The following CHCHD6 variants were observed in gnomAD, a reference collection of about 807,000 sequenced individuals.
CHCHD6 encodes coiled-coil-helix-coiled-coil-helix domain containing 6.
A neutral mutation model predicts 32.3 loss-of-function variants in CHCHD6; 28 were observed. The observed-to-expected ratio is 0.87, with a 90% CI of 0.64 to 1.19. The LOEUF (loss-of-function observed/expected upper bound fraction) is 1.19. Ranked by LOEUF, CHCHD6 falls within the 50% of genes most tolerant of loss-of-function variation. The probability of loss-of-function intolerance (pLI) is 0.00; values close to 1 mark genes in which losing one functional copy is unlikely to be tolerated. For synonymous variants in CHCHD6, 122 were observed against 117.5 expected (o/e 1.04, Z -0.25); for missense variants, 333 against 307.0 (o/e 1.08, Z -0.63).
intron 5 of CHCHD6, chr3:126,865,720 A>T: frequency 1.0e-6 from 1 of 984,998 alleles, no homozygotes; most frequent in Non-Finnish European, 1.2e-6. Flanking sequence ...CCCTGAGTCT[A>T]CTCTGCATAC....
chr3:126,736,581 AT>A (rs768872534), intron 4 of CHCHD6, among the ~76,000 whole-genome samples: 98 of 152,214 alleles, frequency 6.4e-4, no homozygotes, highest in Non-Finnish European at 1.2e-3. Context: ...CCATCTTATT[AT>A]TGGGAAAAGT....
At chr3:126,788,501 G>C (rs1174955067) in intron 4 of CHCHD6, among the ~76,000 whole-genome samples, 1 of 152,190 alleles carries the variant, frequency 6.6e-6, no homozygotes, top group Non-Finnish European at 1.5e-5. Context: ...CTCAATTTCA[G>C]AGCCTGTTAT....
chr3:126,782,312 C>G (rs989867279), intron 4 of CHCHD6, among the ~76,000 whole-genome samples: 1 of 152,188 alleles, frequency 6.6e-6, no homozygotes, highest in African/African-American at 2.4e-5. Flanking sequence ...TCTGTCTCTC[C>G]TAGTCTTTGG....
chr3:126,753,628 T>C (rs1016780987), intron 4 of CHCHD6, among the ~76,000 whole-genome samples: 3 of 152,242 alleles, frequency 2.0e-5, no homozygotes, highest in Admixed American at 2.0e-4. Flanking sequence ...GCCTCTCTTC[T>C]TGCTTCTCTT....
intron 2 of CHCHD6, among the ~76,000 whole-genome samples, chr3:126,727,741 G>A (rs963521430): frequency 2.0e-5 from 3 of 152,184 alleles, no homozygotes; most frequent in Non-Finnish European, 4.4e-5. Context: ...TGCTCAAGCC[G>A]GGCTCAAAGC....
chr3:126,782,169 A>G (rs1024625697), intron 4 of CHCHD6, among the ~76,000 whole-genome samples: 2 of 152,178 alleles, frequency 1.3e-5, no homozygotes, highest in Non-Finnish European at 2.9e-5. Context: ...CCCTTTCTAA[A>G]TTGTAATTAT....
chr3:126,932,852 C>T (rs1042786540), intron 6 of CHCHD6, among the ~76,000 whole-genome samples: 4 of 152,060 alleles, frequency 2.6e-5, no homozygotes, highest in African/African-American at 9.7e-5. Flanking sequence ...CCAGGGCAGG[C>T]GGGGCTTCTC....
intron 4 of CHCHD6, among the ~76,000 whole-genome samples, chr3:126,780,929 T>C (rs1299286889): frequency 6.6e-6 from 1 of 152,168 alleles, no homozygotes; most frequent in Non-Finnish European, 1.5e-5. Flanking sequence ...TTTTCCCTCA[T>C]GGTCACAAGG....
At chr3:126,831,460 T>C (rs925635759) in intron 4 of CHCHD6, among the ~76,000 whole-genome samples, 8 of 152,202 alleles carry the variant, frequency 5.3e-5, no homozygotes, top group Non-Finnish European at 8.8e-5. Context: ...TAGTTTTATG[T>C]CTCTCTCCTC....
chr3:126,773,602 C>CTTTT lies in CHCHD6; in HGVS notation c.411+40401_411+40404dup, dbSNP rs769256372. Among the ~76,000 whole-genome samples, 779 of 89,754 alleles carry CTTTT rather than the reference C, an allele frequency of 8.7e-3. 3 individuals carry two copies. Among genetic ancestry groups the CTTTT allele is most frequent in the African/African-American group, 0.013 (303 of 22,724 alleles). The allele number at this position is 89,754 out of a possible 152,430, so 58.9% of individuals were successfully genotyped here. On this transcript the variant is annotated intron_variant, in intron 4 of 7. Coordinates refer to ENST00000290913, the MANE Select transcript of CHCHD6 (RefSeq NM_032343.3). ...GTTGGTTCTGACAGTTTCTGCTTTT[C>CTTTT]TTTTTTTTTTTTTTTTTTTTTTTTG... is the stretch of plus-strand genomic sequence containing the variant.
At chr3:126,884,587 A>C (rs187370803) in intron 5 of CHCHD6, among the ~76,000 whole-genome samples, 31 of 152,318 alleles carry the variant, frequency 2.0e-4, no homozygotes, top group African/African-American at 6.0e-4. Flanking sequence ...CTGATAATTG[A>C]CCATAGGAAC....
chr3:126,897,004 C>A (rs913019238), intron 5 of CHCHD6, among the ~76,000 whole-genome samples: 1 of 152,184 alleles, frequency 6.6e-6, no homozygotes, highest in Non-Finnish European at 1.5e-5. Context: ...CCTTAACCTC[C>A]CAGAGTGCAT....
chr3:126,735,364 C>A (rs1432369292), intron 4 of CHCHD6, among the ~76,000 whole-genome samples: 1 of 152,232 alleles, frequency 6.6e-6, no homozygotes, highest in African/African-American at 2.4e-5. Context: ...GGATAATAAT[C>A]CCCTTTTCTG....
chr3:126,721,161 G>A (rs1559803533), intron 1 of CHCHD6, among the ~76,000 whole-genome samples: 1 of 152,114 alleles, frequency 6.6e-6, no homozygotes, highest in South Asian at 2.1e-4. Flanking sequence ...CACCTCCCAC[G>A]CAGGCCGTGG....
At chr3:126,743,349 C>G (rs1486374489) in intron 4 of CHCHD6, among the ~76,000 whole-genome samples, 1 of 152,150 alleles carries the variant, frequency 6.6e-6, no homozygotes, top group Non-Finnish European at 1.5e-5. Context: ...TACCAAATCA[C>G]AGGTCTGCGG....
chr3:126,861,245 T>C (rs1045903223), intron 5 of CHCHD6, among the ~76,000 whole-genome samples: 2 of 152,018 alleles, frequency 1.3e-5, no homozygotes, highest in Non-Finnish European at 1.5e-5. Flanking sequence ...CCTACAGTTT[T>C]TCCACTATAG....
intron 1 of CHCHD6, among the ~76,000 whole-genome samples, chr3:126,716,655 A>T (rs1935031904): frequency 6.6e-6 from 1 of 152,122 alleles, no homozygotes; most frequent in African/African-American, 2.4e-5. Context: ...CTAAGCCCTG[A>T]AGATACAGCA....
At chr3:126,927,768 CTT>C (rs1363177300) in intron 6 of CHCHD6, among the ~76,000 whole-genome samples, 1 of 152,168 alleles carries the variant, frequency 6.6e-6, no homozygotes, top group Admixed American at 6.5e-5. Context: ...GTTGAGGAAT[CTT>C]TTTTTCTTTT....
intron 5 of CHCHD6, among the ~76,000 whole-genome samples, chr3:126,890,200 G>A (rs961864331): frequency 8.5e-5 from 13 of 152,220 alleles, no homozygotes; most frequent in African/African-American, 1.4e-4. Context: ...AGGTGAAGCC[G>A]GGAGTTGTCA....
Sources: allele counts gnomAD v4.1 joint callset (sites outside exome capture counted in the v4.1 genomes callset), GRCh38; gene constraint gnomAD v4.1.1; transcripts MANE v1.5; gene names NCBI Gene and HGNC (gene_info 2026-07-23, HGNC 2026-07-21).